Variants in ZNF81 observed in about 807,000 individuals in gnomAD.
ZNF81 encodes zinc finger protein 81, also known as zinc finger protein 81 (HFZ20).
ZNF81 carries 5 observed loss-of-function variants against 32.3 expected under a neutral mutation model. The observed-to-expected ratio is 0.15, with a 90% CI of 0.08 to 0.33. The LOEUF is 0.33. ZNF81 is among the 10% of genes least tolerant of loss of function. The pLI is 1.00. For synonymous variants in ZNF81, 163 were observed against 166.8 expected (o/e 0.98, Z 0.17); for missense variants, 379 against 479.8 (o/e 0.79, Z 1.96).
rs782536027 is a variant in ZNF81, at chrX:47,915,406, G to A, written c.760G>A (p.Val254Ile). The A allele has an allele frequency of 2.8e-5, 34 of 1,209,858 alleles. No homozygotes were observed. Among genetic ancestry groups the A allele is most frequent in the Non-Finnish European group, 3.8e-5 (34 of 895,240 alleles). Residue 254 changes from valine (V) to isoleucine (I), a missense_variant, in exon 5 of 5, where the codon GTC (valine) becomes ATC (isoleucine). By Grantham distance (29) the Val-to-Ile change is conservative (BLOSUM62 3). Coordinates refer to ENST00000338637, the MANE Select transcript of ZNF81 (RefSeq NM_007137.5). ...KFCERNQCGK[V>I]LSLKHSLSQN... ...CTGTGAACGTAATCAATGTGGAAAA[G>A]TCCTCAGCCTCAAACACTCACTCAG...
intron 2 of ZNF81, among the ~76,000 whole-genome samples, chrX:47,882,525 T>A (rs1210866878): frequency 8.9e-6 from 1 of 112,689 alleles, no homozygotes; most frequent in Non-Finnish European, 1.9e-5. Context: ...TAGACATTCA[T>A]GTGTTGATGA....
At chrX:47,894,132 G>T (rs893011767) in intron 3 of ZNF81, among the ~76,000 whole-genome samples, 2 of 111,845 alleles carry the variant, frequency 1.8e-5, no homozygotes, top group African/African-American at 3.3e-5. Flanking sequence ...GACAAGTGGG[G>T]ATTTATAAAT....
At chrX:47,887,798 C>A (rs782069760) in intron 2 of ZNF81, among the ~76,000 whole-genome samples, 1 of 111,588 alleles carries the variant, frequency 9.0e-6, no homozygotes, top group African/African-American at 3.3e-5. Context: ...AAATGTCATA[C>A]ATAATAAATA....
At chrX:47,894,784 C>CT (rs1167255324) in intron 3 of ZNF81, among the ~76,000 whole-genome samples, 11 of 111,375 alleles carry the variant, frequency 9.9e-5, no homozygotes, top group Non-Finnish European at 1.7e-4. Flanking sequence ...CCCATTATCT[C>CT]TTTTTTCATT....
chrX:47,923,701 C>G lies in ZNF81; in HGVS notation c.*7069C>G, dbSNP rs2058783626. On this transcript the variant is annotated 3_prime_UTR_variant, in exon 5 of 5. Transcript: ENST00000338637. Reference sequence around the variant, plus strand: ...AGCAATTTTTCTCATAGAAAAATATCAAGCCATTGGACTAGATTATTCTGT... The same window carrying G: ...AGCAATTTTTCTCATAGAAAAATATGAAGCCATTGGACTAGATTATTCTGT... 8.9e-6 allele frequency among the ~76,000 whole-genome samples: 1 copy of G among 111,908 alleles called. No homozygotes were observed. Among genetic ancestry groups the G allele is most frequent in the Non-Finnish European group, 1.9e-5 (1 of 53,171 alleles).
chrX:47,907,132 G>A (rs896542227), intron 4 of ZNF81, among the ~76,000 whole-genome samples: 14 of 94,962 alleles, frequency 1.5e-4, no homozygotes, highest in Admixed American at 9.7e-4. Context: ...TGGGACATAC[G>A]ACCAGGCCCT....
intron 2 of ZNF81, among the ~76,000 whole-genome samples, chrX:47,879,876 GT>G (rs1328810203): frequency 3.6e-5 from 4 of 111,848 alleles, no homozygotes; most frequent in Non-Finnish European, 7.5e-5. Flanking sequence ...CCTCTCTCTT[GT>G]TTTTCTCCTT....
chrX:47,841,500 G>A (rs1412655274), intron 1 of ZNF81: 11 of 988,627 alleles, frequency 1.1e-5, no homozygotes, highest in East Asian at 9.1e-5. Context: ...CGTCTGAGAC[G>A]CACCTTGTCA....
At chrX:47,912,302 G>A (rs1309138793) in intron 4 of ZNF81, among the ~76,000 whole-genome samples, 6 of 108,654 alleles carry the variant, frequency 5.5e-5, no homozygotes, top group African/African-American at 2.0e-4. Context: ...TGAGATTTTG[G>A]ATGGGACATG....
chrX:47,847,218 C>A (rs1323882705), intron 2 of ZNF81, among the ~76,000 whole-genome samples: 5 of 111,568 alleles, frequency 4.5e-5, no homozygotes, highest in Non-Finnish European at 9.4e-5. Flanking sequence ...GAAGTAGGTG[C>A]CATTATTATC....
intron 2 of ZNF81, among the ~76,000 whole-genome samples, chrX:47,881,430 ATTC>A (rs1191573339): frequency 8.9e-6 from 1 of 112,094 alleles, no homozygotes; most frequent in Non-Finnish European, 1.9e-5. Context: ...GTCTTGGTAA[ATTC>A]TTCTTACCCC....
At position 47,893,008 on chromosome X, in the gene ZNF81, C is replaced by T. The variant is rs969970668; in HGVS notation, c.182-2837C>T. Among the ~76,000 whole-genome samples the T allele has an allele frequency of 2.7e-5, 3 of 112,734 alleles. No homozygotes were observed. The East Asian group carries it at 8.4e-4, about 32-fold the overall frequency. On this transcript the variant is annotated intron_variant, in intron 3 of 4. Coordinates refer to ENST00000338637, the MANE Select transcript of ZNF81 (RefSeq NM_007137.5). Reference sequence around the variant, plus strand: ...AGATAGGGTAGAAGGGCTGCCTCTACTGGCAAAGGAGACTCAAGAATTTAA... The same window carrying T: ...AGATAGGGTAGAAGGGCTGCCTCTATTGGCAAAGGAGACTCAAGAATTTAA...
At position 47,917,127 on chromosome X, in the gene ZNF81, A is replaced by T. The variant is rs1224113174; in HGVS notation, c.*495A>T. 1 of 287,382 alleles carries T rather than the reference A, an allele frequency of 3.5e-6. No homozygotes were observed. Among genetic ancestry groups the T allele is most frequent in the African/African-American group, 2.8e-5 (1 of 36,321 alleles). The allele number at this position is 287,382 out of a possible 1,213,427, so 23.7% of individuals were successfully genotyped here. ...CACAGTGCAGAACAGGAGGAATATT[A>T]CATTTTTTTTCAAATTTAGAATAAT... On this transcript the variant is annotated 3_prime_UTR_variant, in exon 5 of 5. Coordinates refer to ENST00000338637, the MANE Select transcript of ZNF81 (RefSeq NM_007137.5).
At chrX:47,859,054 T>C (rs1432980016) in intron 2 of ZNF81, among the ~76,000 whole-genome samples, 1 of 107,708 alleles carries the variant, frequency 9.3e-6, no homozygotes. Context: ...ATCGCACTAT[T>C]GCACTCCAGC....
intron 3 of ZNF81, 118 bp from the exon 4 acceptor site, chrX:47,895,727 C>G (rs2058677468): frequency 5.4e-6 from 3 of 558,465 alleles, no homozygotes; most frequent in Non-Finnish European, 6.2e-6. Context: ...TGAGATTCTT[C>G]AGTCCCTTTT....
Position 47,917,337 on chromosome X carries a change from A to G in ZNF81, c.*705A>G. On this transcript the variant is annotated 3_prime_UTR_variant, in exon 5 of 5. Transcript: ENST00000338637. ...TTCGTACTGGTTTCCATGACATAGT[A>G]TCTTGTTTTCTTTCATTGTGGTACA... The G allele has an allele frequency of 6.7e-6, 2 of 297,121 alleles. No individual in the cohort carries two copies. The highest frequency in any genetic ancestry group is 1.2e-5 in the Non-Finnish European group (2 of 169,959). The allele number at this position is 297,121 out of a possible 1,213,427, so 24.5% of individuals were successfully genotyped here.
intron 2 of ZNF81, 132 bp from the exon 3 acceptor site, chrX:47,887,867 T>C (rs2058648063): frequency 1.4e-6 from 1 of 700,952 alleles, no homozygotes; most frequent in Non-Finnish European, 2.2e-6. Flanking sequence ...TGTATATATA[T>C]AAACTAAGTA....
At chrX:47,912,338 C>G (rs1197086300) in intron 4 of ZNF81, among the ~76,000 whole-genome samples, 2 of 106,863 alleles carry the variant, frequency 1.9e-5, no homozygotes, top group African/African-American at 6.9e-5. Flanking sequence ...ATCAAACCGA[C>G]TAAAAGGGGA....
rs1010981044 is a variant in ZNF81 at position 47,921,079 on chromosome X, C to T, written c.*4447C>T. On this transcript the variant is annotated 3_prime_UTR_variant, in exon 5 of 5. Coordinates refer to ENST00000338637, the MANE Select transcript of ZNF81 (RefSeq NM_007137.5). The stretch of plus-strand genomic sequence containing the variant: ...GAGCAGTGTTCTTTCCAGATGTCTA[C>T]ATGCTAGGCAGAAACTAGAAGTCTG... 1 of 111,246 alleles carries T rather than the reference C, an allele frequency of 9.0e-6. No individual in the cohort carries two copies. The highest frequency in any genetic ancestry group is 9.6e-5 in the Admixed American group (1 of 10,420). 9.2% of individuals were successfully genotyped at this position (111,246 alleles called of 1,213,427 possible). A position where few individuals can be genotyped will look rare whatever the true frequency, so the allele number is the denominator to read the frequency against.
Sources: gnomAD v4.1 joint callset for allele counts (sites outside exome capture counted in the v4.1 genomes callset) on GRCh38, gnomAD v4.1.1 for gene constraint, MANE v1.5 for transcripts, NCBI Gene and HGNC (gene_info 2026-07-23, HGNC 2026-07-21) for gene names.